The following SLIT2 variants were observed in gnomAD, a reference collection of about 807,000 sequenced individuals.
SLIT2 encodes the protein slit homolog 2 protein.
In SLIT2, 41 loss-of-function variants were observed where a neutral mutation model predicts 185.7. That is an observed-to-expected ratio of 0.22 (90% CI 0.17 to 0.29). SLIT2 has a LOEUF of 0.29. Among genes scored for constraint, SLIT2 ranks in the 10% least tolerant of loss-of-function variants. The probability of loss-of-function intolerance (pLI) is 1.00; values close to 1 mark genes in which losing one functional copy is unlikely to be tolerated. For synonymous variants in SLIT2, 693 were observed against 680.2 expected, an observed-to-expected ratio of 1.02 and a Z score of -0.29; for missense variants, 1,571 against 1,909.0, an observed-to-expected ratio of 0.82 and a Z score of 3.30.
chr4:20,460,577 C>T (rs918684820), intron 4 of SLIT2, among the ~76,000 whole-genome samples: 8 of 152,240 alleles, frequency 5.3e-5, no homozygotes, highest in African/African-American at 1.7e-4. Flanking sequence ...GGAACTTATT[C>T]CTCCTGTGTA....
intron 4 of SLIT2, among the ~76,000 whole-genome samples, chr4:20,310,921 C>T (rs994474246): frequency 9.2e-5 from 14 of 152,228 alleles, no homozygotes; most frequent in African/African-American, 3.4e-4. Flanking sequence ...CTCTTATTCT[C>T]TTGCCCAGGC....
At chr4:20,482,833 GT>G (rs201210510) in intron 6 of SLIT2, among the ~76,000 whole-genome samples, 22 of 149,866 alleles carry the variant, frequency 1.5e-4, no homozygotes, top group African/African-American at 2.2e-4. Flanking sequence ...TACTTTAAAT[GT>G]TTTTTTTTCA....
At chr4:20,324,071 A>C (rs1453798444) in intron 4 of SLIT2, among the ~76,000 whole-genome samples, 1 of 152,172 alleles carries the variant, frequency 6.6e-6, no homozygotes, top group Admixed American at 6.5e-5. Context: ...GTAAAATCAA[A>C]AAGCAAGTCA....
chr4:20,572,464 G>C (rs1725690731), intron 29 of SLIT2, among the ~76,000 whole-genome samples: 1 of 151,994 alleles, frequency 6.6e-6, no homozygotes, highest in African/African-American at 2.4e-5. Context: ...TTTTTGTTTG[G>C]TTATTTTTTT....
intron 4 of SLIT2, among the ~76,000 whole-genome samples, chr4:20,441,352 C>T (rs1419497420): frequency 6.6e-6 from 1 of 152,114 alleles, no homozygotes; most frequent in African/African-American, 2.4e-5. Context: ...TTTCAATCTC[C>T]TACTTAAATT....
Position 20,617,501 on chromosome 4 carries a change from G to T in SLIT2, c.4199G>T (p.Gly1400Val). Residue 1400 changes from glycine to valine, a missense_variant, in exon 36 of 37, where the codon GGC (glycine) becomes GTC (valine). By Grantham distance (109) the Gly-to-Val change is moderately radical. This residue lies in a region of SLIT2 where 223 missense variants were observed against 245.2 expected (regional missense o/e 0.91). Coordinates refer to ENST00000504154, the MANE Select transcript of SLIT2 (RefSeq NM_004787.4). ...AFSYSCKCLE[G>V]HGGVLCDEEE... ...TCCTACAGCTGTAAGTGCTTGGAGG[G>T]CCATGGAGGTGTCCTCTGTGATGAA... 1 of 1,614,106 alleles carries T rather than the reference G, an allele frequency of 6.2e-7. No individual in the cohort carries two copies. Among genetic ancestry groups the T allele is most frequent in the Non-Finnish European group, 8.5e-7 (1 of 1,180,002 alleles).
chr4:20,574,843 C>G (rs942303265), intron 29 of SLIT2, among the ~76,000 whole-genome samples: 1 of 150,328 alleles, frequency 6.7e-6, no homozygotes, highest in Non-Finnish European at 1.5e-5. Flanking sequence ...TCTGTCTTCT[C>G]TTGCTATGGG....
chr4:20,547,056 C>T (rs1723309909), intron 22 of SLIT2, among the ~76,000 whole-genome samples: 1 of 152,014 alleles, frequency 6.6e-6, no homozygotes, highest in Non-Finnish European at 1.5e-5. Flanking sequence ...CCAATGTAAA[C>T]TAGGTACATT....
At chr4:20,459,139 A>T (rs1002167808) in intron 4 of SLIT2, among the ~76,000 whole-genome samples, 2 of 152,148 alleles carry the variant, frequency 1.3e-5, no homozygotes, top group African/African-American at 4.8e-5. Context: ...GGAGAAAAAA[A>T]AAAACAGTTT....
At chr4:20,319,511 T>C (rs954535728) in intron 4 of SLIT2, among the ~76,000 whole-genome samples, 1 of 152,088 alleles carries the variant, frequency 6.6e-6, no homozygotes, top group Non-Finnish European at 1.5e-5. Flanking sequence ...ATTTTTACTT[T>C]GAAAAAAATG....
chr4:20,520,205 A>G (rs920553231), intron 12 of SLIT2, among the ~76,000 whole-genome samples: 64 of 152,312 alleles, frequency 4.2e-4, no homozygotes, highest in African/African-American at 1.5e-3. Flanking sequence ...TTACCTGTAA[A>G]TCAAAGACCA....
chr4:20,454,048 C>T (rs1169294840), intron 4 of SLIT2, among the ~76,000 whole-genome samples: 1 of 152,190 alleles, frequency 6.6e-6, no homozygotes, highest in Non-Finnish European at 1.5e-5. Context: ...CTAATTTCCA[C>T]CCTTCATAAC....
At chr4:20,587,489 T>G (rs116703833) in intron 29 of SLIT2, among the ~76,000 whole-genome samples, 1,700 of 152,340 alleles carry the variant, frequency 0.011, 15 homozygotes, top group Non-Finnish European at 0.019. Context: ...TATGTTCAAG[T>G]TGGCATGCTT....
At chr4:20,291,546 C>T (rs1242438137) in intron 4 of SLIT2, among the ~76,000 whole-genome samples, 2 of 121,878 alleles carry the variant, frequency 1.6e-5, no homozygotes, top group African/African-American at 3.2e-5. Flanking sequence ...TGTGTAATTG[C>T]ATGGTCCTAA....
intron 4 of SLIT2, among the ~76,000 whole-genome samples, chr4:20,437,883 C>G (rs9993531): frequency 0.22 from 31,114 of 143,902 alleles, 3,637 homozygotes; most frequent in Non-Finnish European, 0.27. Flanking sequence ...CCACTGCACT[C>G]CAGCCTGGGT....
chr4:20,331,572 G>T lies in SLIT2; in HGVS notation c.395+62691G>T, dbSNP rs184363621. ...TGTACTAAGGGATTTTCATGAGTTT[G>T]CTCACTAATATTTTCTTACATCAAT... is the stretch of plus-strand genomic sequence containing the variant. On this transcript the variant is annotated intron_variant, in intron 4 of 36. Transcript: ENST00000504154. Among the ~76,000 whole-genome samples, 35 of 152,092 alleles carry T rather than the reference G, an allele frequency of 2.3e-4. No individual in the cohort carries two copies. In the East Asian group the frequency reaches 6.6e-3, roughly 29 times the overall value.
At chr4:20,477,875 T>C (rs16869642) in intron 5 of SLIT2, among the ~76,000 whole-genome samples, 10,177 of 152,236 alleles carry the variant, frequency 0.067, 437 homozygotes, top group Admixed American at 0.16. Flanking sequence ...GCAAATCACA[T>C]CTGAAGAAGG....
intron 4 of SLIT2, among the ~76,000 whole-genome samples, chr4:20,420,782 A>T (rs985143350): frequency 6.6e-6 from 1 of 152,052 alleles, no homozygotes; most frequent in African/African-American, 2.4e-5. Flanking sequence ...TTTGATTTAG[A>T]TGAGGTAATG....
chr4:20,342,913 TTTTC>T (rs1408300344), intron 4 of SLIT2, among the ~76,000 whole-genome samples: 1 of 151,866 alleles, frequency 6.6e-6, no homozygotes, highest in Non-Finnish European at 1.5e-5. Context: ...ATTTTCTTTC[TTTTC>T]TTTCTTTTTT....
Sources: gnomAD v4.1 joint callset for allele counts (sites outside exome capture counted in the v4.1 genomes callset) on GRCh38, gnomAD v4.1.1 for gene constraint, gnomAD v4.1.1 regional missense constraint, MANE v1.5 for transcripts, NCBI Gene and HGNC (gene_info 2026-07-23, HGNC 2026-07-21) for gene names.